DNAH11: variants seen among roughly 807,000 people sequenced by gnomAD.
DNAH11 encodes the protein axonemal beta dynein heavy chain 11.
A neutral mutation model predicts 526.0 loss-of-function variants in DNAH11; 442 were observed. That is an observed-to-expected ratio of 0.84 (90% confidence interval 0.78 to 0.91). DNAH11 has a LOEUF of 0.91. Ranked by LOEUF, DNAH11 falls within the 40% of genes least tolerant of loss-of-function variation. The pLI is 0.00. For synonymous variants in DNAH11, 2,461 were observed against 1,935.9 expected (o/e 1.27, Z -7.12); for missense variants, 6,989 against 5,448.7 (o/e 1.28, Z -8.90).
At chr7:21,741,862 C>G in intron 48 of DNAH11, 65 bp from the exon 49 acceptor site, 2 of 1,560,698 alleles carry the variant, frequency 1.3e-6, no homozygotes, top group Non-Finnish European at 1.7e-6. Context: ...GAAAAAAAAT[C>G]AGGTCTTTGC....
chr7:21,895,429 T>C (rs932420459), intron 79 of DNAH11, among the ~76,000 whole-genome samples: 1 of 152,176 alleles, frequency 6.6e-6, no homozygotes. Flanking sequence ...CTTTGAAAGT[T>C]TGTAATATGG....
chr7:21,850,419 T>G (rs1210268610), intron 66 of DNAH11, among the ~76,000 whole-genome samples: 1 of 151,724 alleles, frequency 6.6e-6, no homozygotes, highest in African/African-American at 2.4e-5. Context: ...TTGTTTTTTA[T>G]GTCTAGCATT....
chr7:21,774,701 G>T (rs914896179), intron 56 of DNAH11, among the ~76,000 whole-genome samples: 2 of 152,206 alleles, frequency 1.3e-5, no homozygotes, highest in African/African-American at 4.8e-5. Flanking sequence ...TTAGACCCAG[G>T]TCTGTGTTGC....
chr7:21,714,757 T>A (rs145410248), intron 42 of DNAH11, among the ~76,000 whole-genome samples: 32 of 152,032 alleles, frequency 2.1e-4, no homozygotes, highest in African/African-American at 7.5e-4. Flanking sequence ...TCATTTACTT[T>A]CTCTCTCTCT....
intron 6 of DNAH11, among the ~76,000 whole-genome samples, chr7:21,565,373 A>C (rs938888053): frequency 6.6e-6 from 1 of 152,214 alleles, no homozygotes; most frequent in Non-Finnish European, 1.5e-5. Context: ...ATTGGGAGTT[A>C]GGCTTTCAAT....
rs375949239 is a variant in DNAH11, at chr7:21,633,088, G to T, written c.4501-2783G>T. On this transcript the variant is annotated intron_variant, in intron 25 of 81. Coordinates refer to ENST00000409508, the MANE Select transcript of DNAH11 (RefSeq NM_001277115.2). Reference sequence around the variant, plus strand: ...CCTTTTTAAAACCATCAGATCTTGCGAGACTTATTCACAATCATGAGAACT... The same window carrying T: ...CCTTTTTAAAACCATCAGATCTTGCTAGACTTATTCACAATCATGAGAACT... Among the ~76,000 whole-genome samples the T allele has an allele frequency of 1.1e-4, 16 of 152,270 alleles. No homozygotes were observed. In the East Asian group the frequency reaches 1.5e-3, roughly 15 times the overall value.
chr7:21,560,127 G>C (rs62441672), intron 4 of DNAH11, among the ~76,000 whole-genome samples: 26,542 of 152,092 alleles, frequency 0.17, 2,356 homozygotes, highest in Middle Eastern at 0.24. Context: ...TTGGTAGAGA[G>C]ACACAGCTTT....
intron 28 of DNAH11, among the ~76,000 whole-genome samples, chr7:21,654,269 A>G (rs961324089): frequency 6.6e-6 from 1 of 152,124 alleles, no homozygotes; most frequent in Non-Finnish European, 1.5e-5. Flanking sequence ...GCAGCCGCCA[A>G]TCTGCTGTCT....
At chr7:21,565,073 T>C (rs985224588) in intron 6 of DNAH11, among the ~76,000 whole-genome samples, 9 of 152,186 alleles carry the variant, frequency 5.9e-5, no homozygotes, top group Non-Finnish European at 1.3e-4. Context: ...TTAGTCTTAA[T>C]CTTCTCAGGC....
chr7:21,763,318 G>T (rs2128497370), intron 54 of DNAH11, among the ~76,000 whole-genome samples: 1 of 125,388 alleles, frequency 8.0e-6, no homozygotes, highest in South Asian at 2.6e-4. Flanking sequence ...CTCCAGCCTG[G>T]GCAACAGAGC....
chr7:21,640,732 A>C (rs545059487), intron 28 of DNAH11, among the ~76,000 whole-genome samples: 1 of 152,136 alleles, frequency 6.6e-6, no homozygotes, highest in Non-Finnish European at 1.5e-5. Flanking sequence ...TTAAAAACTT[A>C]AAAAAGAAAC....
chr7:21,888,404 G>C (rs115463371), intron 76 of DNAH11, among the ~76,000 whole-genome samples: 1 of 152,142 alleles, frequency 6.6e-6, no homozygotes, highest in African/African-American at 2.4e-5. Context: ...ATAATCTCAT[G>C]GAGTCCAACA....
chr7:21,715,855 T>C (rs1217760762), intron 42 of DNAH11, among the ~76,000 whole-genome samples: 2 of 116,728 alleles, frequency 1.7e-5, no homozygotes, highest in Non-Finnish European at 1.7e-5. Context: ...TTTATCTGAT[T>C]TCCCCCTCCC....
chr7:21,901,128 C>T lies in DNAH11; in HGVS notation c.13425C>T (p.Thr4475=), dbSNP rs187353983. The stretch of plus-strand genomic sequence containing the variant: ...TGGACAGACAAGAAACCAAACAGAC[C>T]TACGAGTGCCCTGTGTATAGAACCA... ...TPVDRQETKQ[T]YECPVYRTKL... is the part of the protein sequence containing the mutation. The change falls in exon 82 of 82, where the codon ACC becomes ACT. Residue 4475 remains threonine (T), a synonymous_variant. Coordinates refer to ENST00000409508, the MANE Select transcript of DNAH11 (RefSeq NM_001277115.2). 6.9e-5 allele frequency: 112 copies of T among 1,613,952 alleles called. No individual in the cohort carries two copies. The African/African-American group carries it at 1.3e-3, about 18-fold the overall frequency.
intron 76 of DNAH11, among the ~76,000 whole-genome samples, chr7:21,889,651 A>G (rs566218823): frequency 1.2e-4 from 18 of 152,284 alleles, no homozygotes; most frequent in Non-Finnish European, 2.2e-4. Context: ...AAGACTAACA[A>G]TGTTGAACAT....
chr7:21,617,696 A>T lies in DNAH11; in HGVS notation c.4173A>T (p.Thr1391=). The T allele has an allele frequency of 6.2e-7, 1 of 1,613,830 alleles. No individual in the cohort carries two copies. Among genetic ancestry groups the T allele is most frequent in the Non-Finnish European group, 8.5e-7 (1 of 1,179,814 alleles). The change falls in exon 23 of 82, where the codon ACA becomes ACT. Residue 1391 remains threonine (T), a synonymous_variant. Transcript: ENST00000409508. Reference sequence around the variant, plus strand: ...TGGAAGGCACAGTTAAGGACATGACAGCCTCCCTGAGGGCCATCACAGAGT... The same window carrying T: ...TGGAAGGCACAGTTAAGGACATGACTGCCTCCCTGAGGGCCATCACAGAGT... ...TGLEGTVKDM[T]ASLRAITELQ...
chr7:21,647,977 C>G (rs1787437972), intron 28 of DNAH11, among the ~76,000 whole-genome samples: 1 of 151,948 alleles, frequency 6.6e-6, no homozygotes, highest in South Asian at 2.1e-4. Context: ...ATTATGAACA[C>G]TGAAATGTCA....
At chr7:21,801,297 A>T (rs1235127453) in intron 62 of DNAH11, 22 bp downstream of exon 62, 2 of 1,613,014 alleles carry the variant, frequency 1.2e-6, no homozygotes, top group Non-Finnish European at 1.7e-6. Flanking sequence ...TCTTCCAAAC[A>T]TTCTAACTAA....
chr7:21,789,868 T>TTTC (rs1788396236), intron 61 of DNAH11, among the ~76,000 whole-genome samples: 2 of 100,620 alleles, frequency 2.0e-5, no homozygotes, highest in African/African-American at 3.6e-5. Flanking sequence ...CCTTCCTTCC[T>TTTC]TTTCTTTCTT....
Sources: gnomAD v4.1 joint callset for allele counts (sites outside exome capture counted in the v4.1 genomes callset) on GRCh38, gnomAD v4.1.1 for gene constraint, MANE v1.5 for transcripts, NCBI Gene and HGNC (gene_info 2026-07-23, HGNC 2026-07-21) for gene names.